The following RAB2A variants were observed in gnomAD, a reference collection of about 807,000 sequenced individuals.
RAB2A encodes RAB2A, member RAS oncogene family.
In RAB2A, 7 loss-of-function variants were observed where a neutral mutation model predicts 32.5. The observed-to-expected ratio is 0.22, with a 90% confidence interval of 0.12 to 0.40. RAB2A has a LOEUF of 0.40. Among genes scored for constraint, RAB2A ranks in the 10% least tolerant of loss-of-function variants. The pLI is 1.00. For missense variants in RAB2A, 108 were observed against 260.7 expected (o/e 0.41, Z 4.03); for synonymous variants, 79 against 85.2 (o/e 0.93, Z 0.40).
intron 1 of RAB2A, among the ~76,000 whole-genome samples, chr8:60,538,520 C>T (rs1416170894): frequency 6.6e-6 from 1 of 152,188 alleles, no homozygotes; most frequent in Non-Finnish European, 1.5e-5. Context: ...GTAGTAGTCA[C>T]TACCTCTAAG....
At chr8:60,525,764 G>C (rs1443903546) in intron 1 of RAB2A, among the ~76,000 whole-genome samples, 1 of 152,004 alleles carries the variant, frequency 6.6e-6, no homozygotes, top group African/African-American at 2.4e-5. Context: ...GCCTGGTACA[G>C]AGTTAGAGTT....
chr8:60,549,234 G>T (rs1415866984), intron 1 of RAB2A, among the ~76,000 whole-genome samples: 1 of 152,138 alleles, frequency 6.6e-6, no homozygotes, highest in Non-Finnish European at 1.5e-5. Context: ...TTCCCAGACG[G>T]GGTGGCGGCC....
chr8:60,529,481 G>A (rs1807443852), intron 1 of RAB2A, among the ~76,000 whole-genome samples: 1 of 152,092 alleles, frequency 6.6e-6, no homozygotes, highest in Admixed American at 6.6e-5. Flanking sequence ...AATTTGTAAG[G>A]TATTTATGAC....
At chr8:60,552,409 A>AT (rs1173411510) in intron 1 of RAB2A, 1 of 152,228 alleles carries the variant, frequency 6.6e-6, no homozygotes, top group Non-Finnish European at 1.5e-5. Context: ...AAGTGCTGGG[A>AT]TTACAGGTGT....
intron 1 of RAB2A, among the ~76,000 whole-genome samples, chr8:60,523,877 A>G (rs113410004): frequency 0.082 from 12,421 of 151,646 alleles, 1,545 homozygotes; most frequent in African/African-American, 0.27. Context: ...TTTTTAGTAG[A>G]GACGGGGTTT....
intron 5 of RAB2A, among the ~76,000 whole-genome samples, chr8:60,588,840 T>G (rs549102521): frequency 6.6e-6 from 1 of 152,334 alleles, no homozygotes; most frequent in Non-Finnish European, 1.5e-5. Flanking sequence ...TTATACTGTA[T>G]AGATTTTAGA....
chr8:60,547,919 G>A (rs1358325545), intron 1 of RAB2A, among the ~76,000 whole-genome samples: 93 of 105,558 alleles, frequency 8.8e-4, no homozygotes, highest in Admixed American at 1.5e-3. Flanking sequence ...GCGGCTGGCC[G>A]GGCAGAGTGG....
intron 3 of RAB2A, among the ~76,000 whole-genome samples, chr8:60,577,050 T>C (rs568214713): frequency 2.0e-5 from 3 of 152,170 alleles, no homozygotes; most frequent in African/African-American, 7.2e-5. Flanking sequence ...ATCTTTTTTT[T>C]TTTCTTGTTT....
chr8:60,551,532 A>G (rs932230340), intron 1 of RAB2A, among the ~76,000 whole-genome samples: 2 of 152,230 alleles, frequency 1.3e-5, no homozygotes, highest in South Asian at 4.1e-4. Context: ...GATAGGTGTT[A>G]TTAACCTACT....
intron 6 of RAB2A, among the ~76,000 whole-genome samples, chr8:60,613,198 C>T (rs1377809659): frequency 6.6e-6 from 1 of 152,148 alleles, no homozygotes; most frequent in Non-Finnish European, 1.5e-5. Context: ...GACTATAGAG[C>T]ATTGATCACC....
At chr8:60,523,243 T>C (rs998192118) in intron 1 of RAB2A, among the ~76,000 whole-genome samples, 2 of 151,614 alleles carry the variant, frequency 1.3e-5, no homozygotes, top group Non-Finnish European at 2.9e-5. Context: ...CTGCAACTTC[T>C]GCCTCCTGGA....
At chr8:60,618,547 T>C in intron 6 of RAB2A, 33 bp from the exon 7 acceptor site, 5 of 1,090,598 alleles carry the variant, frequency 4.6e-6, no homozygotes, top group Non-Finnish European at 6.2e-6. Flanking sequence ...GCTTTGGTTT[T>C]ATATAATATG....
intron 1 of RAB2A, among the ~76,000 whole-genome samples, chr8:60,531,276 C>G (rs954074157): frequency 1.3e-5 from 2 of 152,186 alleles, no homozygotes; most frequent in Non-Finnish European, 2.9e-5. Flanking sequence ...AGCTTAGACA[C>G]CACTCTTGAA....
intron 3 of RAB2A, among the ~76,000 whole-genome samples, chr8:60,579,651 G>A (rs1385918540): frequency 6.7e-6 from 1 of 150,072 alleles, no homozygotes; most frequent in Non-Finnish European, 1.5e-5. Context: ...TTTTTGAGAT[G>A]GAGTCTCACT....
At chr8:60,567,637 A>G (rs570917293) in intron 2 of RAB2A, among the ~76,000 whole-genome samples, 7 of 151,844 alleles carry the variant, frequency 4.6e-5, no homozygotes, top group Non-Finnish European at 1.0e-4. Context: ...TACACATAAT[A>G]TATGTTTTCA....
chr8:60,596,254 TA>T (rs1168497173), intron 6 of RAB2A, among the ~76,000 whole-genome samples: 1 of 152,152 alleles, frequency 6.6e-6, no homozygotes, highest in African/African-American at 2.4e-5. Context: ...ACTTCATGAC[TA>T]AAACACCAAA....
At chr8:60,523,934 C>G (rs1807340597) in intron 1 of RAB2A, among the ~76,000 whole-genome samples, 1 of 152,118 alleles carries the variant, frequency 6.6e-6, no homozygotes, top group African/African-American at 2.4e-5. Flanking sequence ...TCGTGATCCG[C>G]CTGCCTCGGC....
intron 6 of RAB2A, among the ~76,000 whole-genome samples, chr8:60,601,945 T>C (rs1563483736): frequency 6.6e-6 from 1 of 152,194 alleles, no homozygotes; most frequent in South Asian, 2.1e-4. Flanking sequence ...TGGGGTACTG[T>C]GGTTTGAACT....
intron 1 of RAB2A, among the ~76,000 whole-genome samples, chr8:60,547,253 T>A (rs567102002): frequency 1.8e-4 from 28 of 152,240 alleles, no homozygotes; most frequent in Non-Finnish European, 3.2e-4. Context: ...CAGAAGAATT[T>A]TTCTTAGTAC....
Sources: allele counts gnomAD v4.1 joint callset (sites outside exome capture counted in the v4.1 genomes callset), GRCh38; gene constraint gnomAD v4.1.1; transcripts MANE v1.5; gene names NCBI Gene and HGNC (gene_info 2026-07-23, HGNC 2026-07-21).